ZNF385D: variants seen among roughly 807,000 people sequenced by gnomAD.
ZNF385D encodes the protein zinc finger protein 385D, also known as zinc finger protein 659.
ZNF385D carries 15 observed loss-of-function variants against 35.8 expected under a neutral mutation model. That is an observed-to-expected ratio of 0.42 (90% confidence interval 0.28 to 0.64). The LOEUF is 0.64. Ranked by LOEUF, ZNF385D falls within the 30% of genes least tolerant of loss-of-function variation. The pLI, the probability that ZNF385D is intolerant of heterozygous loss-of-function variation, is 0.23. For missense variants in ZNF385D, 474 were observed against 494.6 expected, an observed-to-expected ratio of 0.96 and a Z score of 0.39; for synonymous variants, 212 against 186.8, an observed-to-expected ratio of 1.13 and a Z score of -1.10.
At chr3:21,716,803 T>G (rs1041018536) in intron 1 of ZNF385D, among the ~76,000 whole-genome samples, 1 of 152,188 alleles carries the variant, frequency 6.6e-6, no homozygotes, top group African/African-American at 2.4e-5. Context: ...TTGTTTTGTT[T>G]TGTTCATTGC....
intron 2 of ZNF385D, among the ~76,000 whole-genome samples, chr3:21,663,919 T>TATATATATATATATATATA (rs1201308131): frequency 4.3e-3 from 169 of 39,096 alleles, no homozygotes; most frequent in African/African-American, 9.9e-3. Context: ...ATATATATAT[T>TATATATATATATATATATA]TATTTATTTA....
chr3:22,366,444 A>G (rs1696660238), intron 2 of ZNF385D, among the ~76,000 whole-genome samples: 1 of 152,206 alleles, frequency 6.6e-6, no homozygotes, highest in Admixed American at 6.5e-5. Flanking sequence ...TGAAGAGAGC[A>G]GAAAATAATT....
At chr3:21,789,828 T>A (rs1465329305) in intron 3 of ZNF385D, among the ~76,000 whole-genome samples, 1 of 152,202 alleles carries the variant, frequency 6.6e-6, no homozygotes, top group Non-Finnish European at 1.5e-5. Flanking sequence ...GGGGCCATAA[T>A]AAATGAATAT....
chr3:21,664,710 C>A (rs373761352), intron 2 of ZNF385D, among the ~76,000 whole-genome samples, 176 bp downstream of exon 2: 10 of 152,230 alleles, frequency 6.6e-5, no homozygotes, highest in Admixed American at 2.0e-4. Context: ...CTTGAAGGAG[C>A]CTGGTTCTGG....
chr3:21,448,361 A>C (rs1236534781), intron 4 of ZNF385D, among the ~76,000 whole-genome samples: 3 of 152,180 alleles, frequency 2.0e-5, no homozygotes, highest in Non-Finnish European at 2.9e-5. Context: ...GTTAAGACTC[A>C]AACTACCCAT....
At chr3:22,201,239 T>C (rs1423007274) in intron 2 of ZNF385D, among the ~76,000 whole-genome samples, 1 of 152,168 alleles carries the variant, frequency 6.6e-6, no homozygotes, top group African/African-American at 2.4e-5. Flanking sequence ...TCCACGTTCT[T>C]CTGCCGTGGC....
intron 3 of ZNF385D, among the ~76,000 whole-genome samples, chr3:21,899,383 G>A (rs989005226): frequency 1.3e-5 from 2 of 152,156 alleles, no homozygotes; most frequent in African/African-American, 2.4e-5. Context: ...GAATCTATTA[G>A]ATCAGTGGTT....
intron 2 of ZNF385D, among the ~76,000 whole-genome samples, chr3:21,658,495 T>C (rs1444263453): frequency 6.6e-6 from 1 of 152,036 alleles, no homozygotes; most frequent in Non-Finnish European, 1.5e-5. Flanking sequence ...ACACTTCTTA[T>C]GGTACAAATG....
chr3:22,259,750 C>T (rs1385635397), intron 2 of ZNF385D, among the ~76,000 whole-genome samples: 5 of 151,918 alleles, frequency 3.3e-5, no homozygotes. Flanking sequence ...ATAGTTGGTA[C>T]CACTGCCTTG....
chr3:21,957,888 G>A (rs78871312), intron 3 of ZNF385D, among the ~76,000 whole-genome samples: 5,812 of 152,102 alleles, frequency 0.038, 150 homozygotes, highest in Middle Eastern at 0.075. Context: ...AATGTCTCAG[G>A]AGTAGATGTA....
At chr3:21,474,393 G>A (rs1299746380) in intron 4 of ZNF385D, among the ~76,000 whole-genome samples, 1 of 152,180 alleles carries the variant, frequency 6.6e-6, no homozygotes, top group East Asian at 1.9e-4. Flanking sequence ...TCTGGACAAT[G>A]AGTAGGTGCC....
intron 1 of ZNF385D, among the ~76,000 whole-genome samples, chr3:21,711,542 T>G (rs78412312): frequency 2.0e-5 from 3 of 152,292 alleles, no homozygotes; most frequent in Admixed American, 6.5e-5. Flanking sequence ...CCAGTTCAGA[T>G]AGCCCCAGAA....
intron 1 of ZNF385D, among the ~76,000 whole-genome samples, chr3:21,693,810 G>T (rs2067364441): frequency 6.6e-6 from 1 of 151,040 alleles, no homozygotes. Context: ...AGCCAGAGAA[G>T]AGAGTCAACT....
chr3:22,206,979 A>G (rs566682406), intron 2 of ZNF385D, among the ~76,000 whole-genome samples: 48 of 151,900 alleles, frequency 3.2e-4, no homozygotes, highest in African/African-American at 1.2e-3. Flanking sequence ...GTTTTTTTGG[A>G]TATATAAACA....
intron 2 of ZNF385D, chr3:22,169,059 A>T (rs535305931): frequency 1.0e-6 from 1 of 969,606 alleles, no homozygotes; most frequent in South Asian, 4.8e-5. Flanking sequence ...GAAAATTATG[A>T]ACAAGCAGAT....
intron 3 of ZNF385D, among the ~76,000 whole-genome samples, chr3:21,818,094 C>T (rs201411538): frequency 4.6e-5 from 7 of 151,798 alleles, no homozygotes; most frequent in East Asian, 1.9e-4. Flanking sequence ...AACGAAACAC[C>T]GCATGTTCTC....
chr3:22,150,076 T>A (rs1170390168), intron 3 of ZNF385D, among the ~76,000 whole-genome samples: 2 of 152,220 alleles, frequency 1.3e-5, no homozygotes, highest in Non-Finnish European at 2.9e-5. Context: ...AGTACTTTCA[T>A]CTGCATTACT....
intron 3 of ZNF385D, among the ~76,000 whole-genome samples, chr3:21,760,251 C>A (rs561336731): frequency 6.6e-6 from 1 of 152,272 alleles, no homozygotes; most frequent in East Asian, 1.9e-4. Flanking sequence ...TTCGCCACCA[C>A]GAATACCATT....
At chr3:21,709,172 A>G (rs1489537335) in intron 1 of ZNF385D, among the ~76,000 whole-genome samples, 1 of 152,210 alleles carries the variant, frequency 6.6e-6, no homozygotes, top group African/African-American at 2.4e-5. Context: ...GGATACCATA[A>G]TGTTTATTTC....
Sources: allele counts gnomAD v4.1 joint callset (sites outside exome capture counted in the v4.1 genomes callset), GRCh38; gene constraint gnomAD v4.1.1; transcripts MANE v1.5; gene names NCBI Gene and HGNC (gene_info 2026-07-23, HGNC 2026-07-21).